Variants in PAH observed in about 807,000 individuals in gnomAD.
PAH encodes the protein phenylalanine-4-hydroxylase.
A neutral mutation model predicts 62.0 loss-of-function variants in PAH; 64 were observed. The observed-to-expected ratio is 1.03, with a 90% CI of 0.84 to 1.27. The LOEUF is 1.27. Ranked by LOEUF, PAH falls within the 50% of genes most tolerant of loss-of-function variation. The probability of loss-of-function intolerance (pLI) is 0.00; values close to 1 mark genes in which losing one functional copy is unlikely to be tolerated. For synonymous variants in PAH, 195 were observed against 196.2 expected (o/e 0.99, Z 0.05); for missense variants, 579 against 542.8 (o/e 1.07, Z -0.66).
chr12:102,863,296 A>C (rs947809028), intron 5 of PAH, among the ~76,000 whole-genome samples: 1 of 152,184 alleles, frequency 6.6e-6, no homozygotes, highest in East Asian at 1.9e-4. Context: ...TTATTCCTGC[A>C]ACAAATTTCA....
chr12:102,861,155 C>T (rs1339624304), intron 5 of PAH, among the ~76,000 whole-genome samples: 1 of 152,128 alleles, frequency 6.6e-6, no homozygotes, highest in Non-Finnish European at 1.5e-5. Flanking sequence ...ACAACCCCAT[C>T]AAAAAATGGG....
chr12:102,913,463 G>C (rs1315654678), intron 1 of PAH, among the ~76,000 whole-genome samples: 1 of 152,120 alleles, frequency 6.6e-6, no homozygotes, highest in Non-Finnish European at 1.5e-5. Flanking sequence ...ACTACTTTGG[G>C]CAAATCATTC....
chr12:102,889,410 G>C (rs955227563), intron 3 of PAH, among the ~76,000 whole-genome samples: 67 of 107,390 alleles, frequency 6.2e-4, no homozygotes, highest in African/African-American at 2.3e-3. Flanking sequence ...AACATAGATA[G>C]ATAGATAGAT....
At chr12:102,917,994 T>G (rs772788541), upstream of PAH, among the ~76,000 whole-genome samples, 25 of 152,218 alleles carry the variant, frequency 1.6e-4, 1 homozygote, top group Non-Finnish European at 4.4e-5. Context: ...GTGTGCTTGG[T>G]GGTGTTCTAG....
chr12:102,908,503 T>C lies in PAH; in HGVS notation c.168+4288A>G, dbSNP rs189889642. Among the ~76,000 whole-genome samples, 3 of 152,246 alleles carry C rather than the reference T, an allele frequency of 2.0e-5. No homozygotes were observed. In the East Asian group the frequency reaches 5.8e-4, roughly 29 times the overall value. On this transcript the variant is annotated intron_variant, in intron 2 of 12. Transcript: ENST00000553106. ...CTCAGAAAATGCTGTCTCTCTTCTC[T>C]ACACCCATTGCTCGCTTGCTCTCAC... is the stretch of plus-strand genomic sequence containing the variant.
At chr12:102,921,087 G>A (rs1028381676), upstream of PAH, among the ~76,000 whole-genome samples, 2 of 152,168 alleles carry the variant, frequency 1.3e-5, no homozygotes, top group Non-Finnish European at 2.9e-5. Flanking sequence ...ATTTCACAAA[G>A]TGCTGCCAGA....
chr12:102,898,878 G>A (rs985665113), intron 2 of PAH, among the ~76,000 whole-genome samples: 2 of 152,082 alleles, frequency 1.3e-5, no homozygotes. Flanking sequence ...AAAACCTCTG[G>A]GTGTAGTAAA....
At chr12:102,877,417 A>AG (rs1876613831) in intron 4 of PAH, 45 bp downstream of exon 4, 1 of 1,316,018 alleles carries the variant, frequency 7.6e-7, no homozygotes. Flanking sequence ...AGGGGAGTGG[A>AG]GGAGAGGCAC....
chr12:102,949,943 T>G (rs1879674886), intron 1 of PAH, among the ~76,000 whole-genome samples: 1 of 152,210 alleles, frequency 6.6e-6, no homozygotes, highest in African/African-American at 2.4e-5. Flanking sequence ...TCTGATTAGG[T>G]TTCATAGTTA....
At chr12:102,926,538 AG>A (rs1231831867) in intron 1 of PAH, among the ~76,000 whole-genome samples, 8 of 151,954 alleles carry the variant, frequency 5.3e-5, no homozygotes, top group African/African-American at 1.9e-4. Context: ...CTGGTGCAAA[AG>A]TAATTGCAGT....
chr12:102,922,667 A>T (rs1878586474), intron 1 of PAH, among the ~76,000 whole-genome samples: 1 of 152,180 alleles, frequency 6.6e-6, no homozygotes, highest in Admixed American at 6.5e-5. Context: ...GTTGTTTCTA[A>T]TCTTTCACTA....
intron 4 of PAH, among the ~76,000 whole-genome samples, chr12:102,868,050 GTA>G (rs1555205794): frequency 8.5e-6 from 1 of 117,950 alleles, no homozygotes; most frequent in Non-Finnish European, 1.7e-5. Context: ...CTATATATAT[GTA>G]TATATATACA....
intron 1 of PAH, among the ~76,000 whole-genome samples, chr12:102,933,680 A>G (rs1222084086): frequency 6.6e-6 from 1 of 152,128 alleles, no homozygotes; most frequent in African/African-American, 2.4e-5. Flanking sequence ...TTTGATTAGC[A>G]TTTCTCCGAT....
intron 1 of PAH, among the ~76,000 whole-genome samples, chr12:102,956,572 C>G (rs1879918929): frequency 6.6e-6 from 1 of 152,130 alleles, no homozygotes; most frequent in African/African-American, 2.4e-5. Flanking sequence ...CGCGGCGGCG[C>G]CGAAGAACCA....
chr12:102,878,489 G>T (rs975725329), intron 3 of PAH, among the ~76,000 whole-genome samples: 3 of 152,090 alleles, frequency 2.0e-5, no homozygotes, highest in African/African-American at 4.8e-5. Context: ...CATCCCTGTG[G>T]GTTACAGGAA....
Position 102,844,364 on chromosome 12 carries a change from C to A in PAH, c.1037G>T (p.Gly346Val). 1.2e-6 allele frequency: 2 copies of A among 1,613,578 alleles called. No individual in the cohort carries two copies. Among genetic ancestry groups the A allele is most frequent in the Non-Finnish European group, 1.7e-6 (2 of 1,179,552 alleles). ...TAATTCACCAAAGGATGACAGGAGC[C>A]CAGCACCATATGCCTTTATGGAGTC... is the stretch of plus-strand genomic sequence containing the variant. ...QGDSIKAYGA[G>V]LLSSFGELQY... Residue 346 changes from glycine to valine, a missense_variant, in exon 10 of 13, where the codon GGG (glycine) becomes GTG (valine). Physicochemically the swap from Gly to Val is moderately radical, Grantham distance 109. Transcript: ENST00000553106.
intron 8 of PAH, 107 bp downstream of exon 8, chr12:102,851,580 G>A: frequency 1.1e-6 from 1 of 875,304 alleles, no homozygotes; most frequent in South Asian, 1.4e-5. Context: ...AACTGTACCT[G>A]GTTTCCGCTC....
intron 3 of PAH, among the ~76,000 whole-genome samples, chr12:102,893,433 A>G (rs1877364647): frequency 6.6e-6 from 1 of 152,136 alleles, no homozygotes; most frequent in Non-Finnish European, 1.5e-5. Flanking sequence ...AAATAAAATA[A>G]AAAGTCTATT....
chr12:102,856,195 T>A (rs966862874), intron 5 of PAH, among the ~76,000 whole-genome samples: 10 of 152,316 alleles, frequency 6.6e-5, no homozygotes, highest in African/African-American at 2.4e-4. Flanking sequence ...TTCACTGAGC[T>A]TGTTCAAGTA....
Sources: allele counts gnomAD v4.1 joint callset (sites outside exome capture counted in the v4.1 genomes callset), GRCh38; gene constraint gnomAD v4.1.1; transcripts MANE v1.5; gene names NCBI Gene and HGNC (gene_info 2026-07-23, HGNC 2026-07-21).